ASPH: variants seen among roughly 807,000 people sequenced by gnomAD.
ASPH encodes aspartate beta-hydroxylase.
ASPH carries 100 observed loss-of-function variants against 118.4 expected under a neutral mutation model. The observed-to-expected ratio is 0.84, with a 90% CI of 0.72 to 1.00. The LOEUF (loss-of-function observed/expected upper bound fraction) is 1.00. Ranked by LOEUF, ASPH falls within the 50% of genes least tolerant of loss-of-function variation. The pLI, the probability that ASPH is intolerant of heterozygous loss-of-function variation, is 0.00. For missense variants in ASPH, 920 were observed against 919.5 expected (o/e 1.00, Z -0.01); for synonymous variants, 315 against 325.6 (o/e 0.97, Z 0.35).
At chr8:61,510,169 TGG>T (rs1409803078) in intron 24 of ASPH, among the ~76,000 whole-genome samples, 1 of 152,222 alleles carries the variant, frequency 6.6e-6, no homozygotes, top group Non-Finnish European at 1.5e-5. Context: ...TGCATTCATA[TGG>T]ATTACTTTAA....
At chr8:61,668,885 T>C (rs548807933) in intron 3 of ASPH, among the ~76,000 whole-genome samples, 1 of 152,340 alleles carries the variant, frequency 6.6e-6, no homozygotes, top group African/African-American at 2.4e-5. Flanking sequence ...GTTCTGATAA[T>C]AGATTTATTT....
In ASPH at chr8:61,703,013, C is replaced by T. The variant is rs181586552; in HGVS notation, c.103+11256G>A. 3.6e-3 allele frequency among the ~76,000 whole-genome samples: 542 copies of T among 152,198 alleles called. 4 individuals are homozygous for T. The highest frequency in any genetic ancestry group is 0.027 in the Middle Eastern group (8 of 294). On this transcript the variant is annotated intron_variant, in intron 1 of 24. Transcript: ENST00000379454. ...GACCCACATCTAACATAAACACAGA[C>T]GCAAAATTGCTGACAAAATATTAGC...
chr8:61,510,327 T>C (rs1275050207), intron 24 of ASPH, among the ~76,000 whole-genome samples: 2 of 152,340 alleles, frequency 1.3e-5, no homozygotes, highest in Non-Finnish European at 2.9e-5. Flanking sequence ...GAGACTTCAA[T>C]GTTCTGAATA....
At chr8:61,574,147 G>A (rs1209439514) in intron 16 of ASPH, among the ~76,000 whole-genome samples, 2 of 152,186 alleles carry the variant, frequency 1.3e-5, no homozygotes, top group African/African-American at 4.8e-5. Flanking sequence ...ACCAGAATGA[G>A]ATACCATCTC....
chr8:61,572,052 C>A (rs1013863819), intron 16 of ASPH, among the ~76,000 whole-genome samples: 1 of 152,070 alleles, frequency 6.6e-6, no homozygotes, highest in Admixed American at 6.5e-5. Flanking sequence ...TAATTAAAAT[C>A]GAATTAATAA....
At position 61,646,897 on chromosome 8, in the gene ASPH, T is replaced by C; in HGVS notation, c.491-19A>G. On this transcript the variant is annotated intron_variant, in intron 5 of 24. Transcript: ENST00000379454. Reference sequence around the variant, plus strand: ...CCCTCAACTATGACAATGAACAAAGTGACACTGGCAACATACAACTGAGAC... The same window carrying C: ...CCCTCAACTATGACAATGAACAAAGCGACACTGGCAACATACAACTGAGAC... 1.2e-6 allele frequency: 2 copies of C among 1,613,530 alleles called. No homozygotes were observed. The highest frequency in any genetic ancestry group is 1.7e-4 in the Middle Eastern group (1 of 6,056).
intron 24 of ASPH, 123 bp from the exon 25 acceptor site, chr8:61,503,632 T>C (rs1225847173): frequency 4.4e-6 from 4 of 899,208 alleles, no homozygotes; most frequent in South Asian, 4.6e-5. Context: ...ACCAAATAAC[T>C]AGAACATCAA....
chr8:61,659,799 T>C (rs936563069), intron 3 of ASPH: 3 of 152,204 alleles, frequency 2.0e-5, no homozygotes, highest in Non-Finnish European at 4.4e-5. Flanking sequence ...AAAACTTTCC[T>C]TTTAAACTGA....
At chr8:61,704,737 T>A (rs994736998) in intron 1 of ASPH, among the ~76,000 whole-genome samples, 2 of 152,160 alleles carry the variant, frequency 1.3e-5, no homozygotes, top group African/African-American at 4.8e-5. Context: ...GACATCATTA[T>A]TCATCAGGGA....
chr8:61,509,163 T>C (rs1018164506), intron 24 of ASPH, among the ~76,000 whole-genome samples: 3 of 152,062 alleles, frequency 2.0e-5, no homozygotes, highest in African/African-American at 7.2e-5. Flanking sequence ...GTCATAGTGT[T>C]ACTGGAAAGG....
At chr8:61,633,604 C>T in intron 13 of ASPH, 79 bp downstream of exon 13, 1 of 1,225,756 alleles carries the variant, frequency 8.2e-7, no homozygotes, top group Non-Finnish European at 1.1e-6. Context: ...TTCGTAGATT[C>T]ATTATAAAGC....
At chr8:61,647,756 C>T (rs973042992) in intron 5 of ASPH, among the ~76,000 whole-genome samples, 2 of 152,136 alleles carry the variant, frequency 1.3e-5, no homozygotes, top group African/African-American at 4.8e-5. Context: ...CTGAATCATA[C>T]TATGCATTCA....
chr8:61,573,452 G>T (rs1013528759), intron 16 of ASPH, among the ~76,000 whole-genome samples: 1 of 152,112 alleles, frequency 6.6e-6, no homozygotes, highest in Non-Finnish European at 1.5e-5. Flanking sequence ...CACACTACCT[G>T]ACTTCAAACT....
intron 18 of ASPH, among the ~76,000 whole-genome samples, chr8:61,559,106 C>T (rs1035006984): frequency 6.6e-6 from 1 of 152,084 alleles, no homozygotes; most frequent in Admixed American, 6.6e-5. Context: ...TATTTTGATA[C>T]AGGCATACTA....
chr8:61,678,112 A>T (rs1258531464), intron 3 of ASPH, among the ~76,000 whole-genome samples: 1 of 151,986 alleles, frequency 6.6e-6, no homozygotes, highest in East Asian at 1.9e-4. Flanking sequence ...TCAGTCTACA[A>T]ATGATTTTCC....
intron 14 of ASPH, among the ~76,000 whole-genome samples, chr8:61,614,793 G>A (rs1459039745): frequency 6.6e-6 from 1 of 152,026 alleles, no homozygotes; most frequent in South Asian, 2.1e-4. Context: ...CCTGGCCATA[G>A]ATCCATATTT....
intron 14 of ASPH, among the ~76,000 whole-genome samples, chr8:61,617,067 A>T (rs774767765): frequency 2.6e-5 from 4 of 152,264 alleles, no homozygotes; most frequent in African/African-American, 4.8e-5. Flanking sequence ...TATCAGGCAG[A>T]CAACATGTAG....
chr8:61,597,341 A>T (rs1842777679), intron 14 of ASPH, among the ~76,000 whole-genome samples: 1 of 152,128 alleles, frequency 6.6e-6, no homozygotes, highest in Non-Finnish European at 1.5e-5. Flanking sequence ...ACATGGCAAG[A>T]CCCTGTCTCA....
intron 14 of ASPH, among the ~76,000 whole-genome samples, chr8:61,596,087 C>T (rs1316989839): frequency 6.6e-6 from 1 of 152,104 alleles, no homozygotes; most frequent in Non-Finnish European, 1.5e-5. Context: ...TACCTGGTAC[C>T]ACTCCTGCTA....
Sources: allele counts gnomAD v4.1 joint callset (sites outside exome capture counted in the v4.1 genomes callset), GRCh38; gene constraint gnomAD v4.1.1; transcripts MANE v1.5; gene names NCBI Gene and HGNC (gene_info 2026-07-23, HGNC 2026-07-21).